SWT1: variants seen among roughly 807,000 people sequenced by gnomAD.
SWT1 encodes SWT1 RNA endoribonuclease homolog.
A neutral mutation model predicts 107.3 loss-of-function variants in SWT1; 33 were observed. That is an observed-to-expected ratio of 0.31 (90% CI 0.23 to 0.41). The LOEUF is 0.41. Among genes scored for constraint, SWT1 ranks in the 10% least tolerant of loss-of-function variants. The pLI is 1.00. For synonymous variants in SWT1, 345 were observed against 348.3 expected (o/e 0.99, Z 0.11); for missense variants, 898 against 1,028.9 (o/e 0.87, Z 1.74).
At chr1:185,259,405 CA>C (rs1417687622) in intron 16 of SWT1, among the ~76,000 whole-genome samples, 1 of 152,094 alleles carries the variant, frequency 6.6e-6, no homozygotes, top group Non-Finnish European at 1.5e-5. Context: ...ACCATAATTG[CA>C]TAGTCATAGG....
At chr1:185,252,575 G>A (rs533112838) in intron 16 of SWT1, among the ~76,000 whole-genome samples, 34 of 152,116 alleles carry the variant, frequency 2.2e-4, no homozygotes, top group African/African-American at 7.0e-4. Flanking sequence ...CTGCATAAAT[G>A]TCTTCTTTTG....
chr1:185,182,933 C>T (rs538349847), intron 7 of SWT1, among the ~76,000 whole-genome samples: 6 of 152,042 alleles, frequency 3.9e-5, no homozygotes, highest in Middle Eastern at 3.4e-3. Context: ...GTCAGGAGTT[C>T]GAGACCAGTC....
Position 185,174,918 on chromosome 1 carries a change from T to C in SWT1, c.771T>C (p.Ser257=), listed in dbSNP as rs774400274. ...LVEENVFNID[S]NNSKTKQEER... is the part of the protein sequence containing the mutation. ...AAGAAAATGTCTTCAACATAGATTC[T>C]AATAATTCGAAGACTAAGCAGGAAG... The change falls in exon 5 of 19, where the codon TCT becomes TCC. Residue 257 remains serine (S), a synonymous_variant. Coordinates refer to ENST00000367500, the MANE Select transcript of SWT1 (RefSeq NM_017673.7). 8.7e-6 allele frequency: 14 copies of C among 1,613,972 alleles called. No homozygotes were observed. In the South Asian group the frequency reaches 1.5e-4, roughly 18 times the overall value.
At chr1:185,275,256 C>A (rs557782605) in intron 17 of SWT1, among the ~76,000 whole-genome samples, 1 of 151,618 alleles carries the variant, frequency 6.6e-6, no homozygotes, top group South Asian at 2.1e-4. Context: ...ATTGATGGTC[C>A]CAGAATGTGT....
chr1:185,174,293 C>G, intron 4 of SWT1, 79 bp from the exon 5 acceptor site: 1 of 1,167,170 alleles, frequency 8.6e-7, no homozygotes. Flanking sequence ...CAGCCCAATT[C>G]TGTTATTCTA....
At chr1:185,230,972 C>T (rs1041653242) in intron 15 of SWT1, among the ~76,000 whole-genome samples, 11 of 152,140 alleles carry the variant, frequency 7.2e-5, no homozygotes, top group Non-Finnish European at 1.6e-4. Context: ...AGGTCTCAAA[C>T]TTCTGGCCTC....
intron 9 of SWT1, among the ~76,000 whole-genome samples, chr1:185,186,695 T>A (rs888133899): frequency 6.6e-6 from 1 of 152,178 alleles, no homozygotes; most frequent in Non-Finnish European, 1.5e-5. Flanking sequence ...GATATTTACC[T>A]GATGGGTTTA....
At chr1:185,268,853 CTTTTTT>C (rs71101966) in intron 16 of SWT1, among the ~76,000 whole-genome samples, 2 of 134,582 alleles carry the variant, frequency 1.5e-5, no homozygotes, top group Non-Finnish European at 3.2e-5. Context: ...TTCTTTTTCT[CTTTTTT>C]TTTTTTTTTT....
intron 15 of SWT1, among the ~76,000 whole-genome samples, chr1:185,223,198 A>G (rs1374554455): frequency 1.3e-5 from 2 of 152,136 alleles, no homozygotes; most frequent in Non-Finnish European, 2.9e-5. Flanking sequence ...TTTTCTGCAC[A>G]TCATTGCCAA....
intron 16 of SWT1, among the ~76,000 whole-genome samples, chr1:185,254,938 C>T: frequency 6.6e-6 from 1 of 152,164 alleles, no homozygotes; most frequent in East Asian, 1.9e-4. Flanking sequence ...ATTCCCTCTA[C>T]ACACTGCGTT....
intron 18 of SWT1, among the ~76,000 whole-genome samples, chr1:185,285,237 C>T (rs189748239): frequency 1.3e-5 from 2 of 152,282 alleles, no homozygotes; most frequent in African/African-American, 2.4e-5. Flanking sequence ...ACAGTGTGCC[C>T]CACCCCGACA....
chr1:185,166,010 T>TC (rs1458479766), intron 2 of SWT1, among the ~76,000 whole-genome samples: 1 of 152,234 alleles, frequency 6.6e-6, no homozygotes, highest in Admixed American at 6.5e-5. Flanking sequence ...CTTTACTGAC[T>TC]CCCAGCCCTT....
chr1:185,183,105 C>T (rs1656164988), intron 7 of SWT1, among the ~76,000 whole-genome samples: 1 of 150,994 alleles, frequency 6.6e-6, no homozygotes, highest in African/African-American at 2.4e-5. Flanking sequence ...CCACTGCATT[C>T]CAGTCTGGGC....
chr1:185,217,890 C>T (rs1024527487), intron 14 of SWT1, among the ~76,000 whole-genome samples: 3 of 152,122 alleles, frequency 2.0e-5, no homozygotes, highest in African/African-American at 7.2e-5. Flanking sequence ...GCCACTGCAC[C>T]CAGCCAATTA....
intron 14 of SWT1, among the ~76,000 whole-genome samples, chr1:185,220,635 T>G (rs888645910): frequency 6.6e-6 from 1 of 152,206 alleles, no homozygotes; most frequent in Non-Finnish European, 1.5e-5. Flanking sequence ...TAACTATCTT[T>G]ACCTGGATAA....
At chr1:185,158,093 G>A (rs57853329) in intron 1 of SWT1, among the ~76,000 whole-genome samples, 1,725 of 152,240 alleles carry the variant, frequency 0.011, 32 homozygotes, top group African/African-American at 0.038. Flanking sequence ...CAAGACGCGC[G>A]CTTCCAGTTA....
chr1:185,184,439 C>G (rs1264220041), intron 8 of SWT1, 95 bp downstream of exon 8: 2 of 750,734 alleles, frequency 2.7e-6, no homozygotes, highest in Admixed American at 2.8e-5. Flanking sequence ...GAACATGTCT[C>G]CATTTAGATA....
intron 16 of SWT1, among the ~76,000 whole-genome samples, chr1:185,237,879 C>T (rs962061453): frequency 6.6e-6 from 1 of 152,020 alleles, no homozygotes; most frequent in African/African-American, 2.4e-5. Flanking sequence ...GAAATAATTA[C>T]TTGAATTTTA....
intron 16 of SWT1, among the ~76,000 whole-genome samples, chr1:185,241,281 T>A (rs1015284162): frequency 1.3e-5 from 2 of 152,154 alleles, no homozygotes; most frequent in Non-Finnish European, 2.9e-5. Flanking sequence ...TCAGCCATTG[T>A]TATCTAGAGT....
Sources: allele counts gnomAD v4.1 joint callset (sites outside exome capture counted in the v4.1 genomes callset), GRCh38; gene constraint gnomAD v4.1.1; transcripts MANE v1.5; gene names NCBI Gene and HGNC (gene_info 2026-07-23, HGNC 2026-07-21).